ZHX2: variants seen among roughly 807,000 people sequenced by gnomAD.
ZHX2 encodes zinc fingers and homeoboxes protein 2.
ZHX2 carries 6 observed loss-of-function variants against 21.9 expected under a neutral mutation model. That is an observed-to-expected ratio of 0.27 (90% confidence interval 0.15 to 0.54). The LOEUF (loss-of-function observed/expected upper bound fraction) is 0.54. Among genes scored for constraint, ZHX2 ranks in the 20% least tolerant of loss-of-function variants. The pLI, the probability that ZHX2 is intolerant of heterozygous loss-of-function variation, is 0.95. For synonymous variants in ZHX2, 434 were observed against 437.1 expected (o/e 0.99, Z 0.09); for missense variants, 908 against 1,090.7 (o/e 0.83, Z 2.36).
chr8:122,826,749 T>C (rs1480855588), intron 1 of ZHX2, among the ~76,000 whole-genome samples: 1 of 152,192 alleles, frequency 6.6e-6, no homozygotes, highest in African/African-American at 2.4e-5. Context: ...CGGAAAAATG[T>C]GTTCAGATCC....
chr8:122,817,000 A>G (rs1347658229), intron 1 of ZHX2, among the ~76,000 whole-genome samples: 1 of 152,190 alleles, frequency 6.6e-6, no homozygotes, highest in Non-Finnish European at 1.5e-5. Flanking sequence ...GGAGCTCTCC[A>G]TGCAGATGGT....
At chr8:122,942,448 C>T (rs527507638) in intron 2 of ZHX2, among the ~76,000 whole-genome samples, 5 of 152,238 alleles carry the variant, frequency 3.3e-5, no homozygotes, top group African/African-American at 4.8e-5. Context: ...AAAAGCTCTG[C>T]GATGAGACGT....
At chr8:122,940,976 T>A (rs1812829118) in intron 2 of ZHX2, among the ~76,000 whole-genome samples, 1 of 150,582 alleles carries the variant, frequency 6.6e-6, no homozygotes, top group Non-Finnish European at 1.5e-5. Flanking sequence ...CCACCTTTAA[T>A]CCCAGCACCT....
At chr8:122,834,702 G>A (rs1039789555) in intron 1 of ZHX2, among the ~76,000 whole-genome samples, 3 of 152,218 alleles carry the variant, frequency 2.0e-5, no homozygotes, top group Non-Finnish European at 4.4e-5. Context: ...GAGATGAACC[G>A]AAGGTTTAAG....
chr8:122,930,948 C>G (rs914733239), intron 2 of ZHX2, among the ~76,000 whole-genome samples: 7 of 123,824 alleles, frequency 5.7e-5, no homozygotes, highest in Non-Finnish European at 9.4e-5. Flanking sequence ...CCTTTTTCGG[C>G]CCAAAGCTGG....
At chr8:122,882,364 T>G (rs1414823870) in intron 2 of ZHX2, among the ~76,000 whole-genome samples, 7 of 151,950 alleles carry the variant, frequency 4.6e-5, no homozygotes, top group African/African-American at 1.7e-4. Flanking sequence ...CCCAAGCCAG[T>G]AGATAAGCTT....
Position 122,782,146 on chromosome 8 carries a change from T to C in ZHX2, c.-283+200T>C, listed in dbSNP as rs1240305263. Among the ~76,000 whole-genome samples, 1 of 151,440 alleles carries C rather than the reference T, an allele frequency of 6.6e-6. No homozygotes were observed. Among genetic ancestry groups the C allele is most frequent in the Admixed American group, 6.6e-5 (1 of 15,238 alleles). ...CGGAAGGGGGGGGGTGTGCAGGCTC[T>C]TTTTGCGGGTGGGAGGAAATGAGCG... On this transcript the variant is annotated intron_variant, in intron 1 of 3. Coordinates refer to ENST00000314393, the MANE Select transcript of ZHX2 (RefSeq NM_014943.5). The surrounding 1 kb of genome is among the most constrained non-coding windows in gnomAD (Gnocchi z 5.3).
chr8:122,942,376 G>A (rs1812866514), intron 2 of ZHX2, among the ~76,000 whole-genome samples: 1 of 152,148 alleles, frequency 6.6e-6, no homozygotes, highest in African/African-American at 2.4e-5. Flanking sequence ...TTGATGTCTT[G>A]TCAAGATGCT....
At chr8:122,800,130 A>C (rs2130568710) in intron 1 of ZHX2, among the ~76,000 whole-genome samples, 1 of 152,320 alleles carries the variant, frequency 6.6e-6, no homozygotes. Flanking sequence ...TGCTAGGATT[A>C]TAGGCGTGAG....
At chr8:122,852,174 A>G (rs1818916923) in intron 1 of ZHX2, among the ~76,000 whole-genome samples, 1 of 152,200 alleles carries the variant, frequency 6.6e-6, no homozygotes, top group African/African-American at 2.4e-5. Flanking sequence ...CCATTATTCC[A>G]AAAACAAATC....
At chr8:122,784,613 C>T (rs533915452) in intron 1 of ZHX2, among the ~76,000 whole-genome samples, 2 of 152,338 alleles carry the variant, frequency 1.3e-5, no homozygotes, top group East Asian at 3.9e-4. Flanking sequence ...TATTTAGCAA[C>T]TGTGTGTTGA....
chr8:122,865,144 T>C (rs970416991), intron 2 of ZHX2, among the ~76,000 whole-genome samples: 7 of 151,800 alleles, frequency 4.6e-5, no homozygotes, highest in Non-Finnish European at 8.8e-5. Flanking sequence ...TTTTTTTTTT[T>C]TGGAGACAGA....
At chr8:122,850,355 C>T (rs191297797) in intron 1 of ZHX2, among the ~76,000 whole-genome samples, 36 of 152,100 alleles carry the variant, frequency 2.4e-4, no homozygotes, top group Admixed American at 1.2e-3. Context: ...ACACCACTAC[C>T]GGCCGGGCGC....
chr8:122,941,663 CA>C (rs67837735), intron 2 of ZHX2, among the ~76,000 whole-genome samples: 35,046 of 132,774 alleles, frequency 0.26, 5,399 homozygotes, highest in African/African-American at 0.49. Context: ...TTAGTTGCAG[CA>C]AAAAAAAAAA....
At chr8:122,838,830 C>T (rs1818562537) in intron 1 of ZHX2, among the ~76,000 whole-genome samples, 1 of 152,130 alleles carries the variant, frequency 6.6e-6, no homozygotes, top group South Asian at 2.1e-4. Flanking sequence ...CCGCCTTGCC[C>T]TCCCAGAGTG....
intron 1 of ZHX2, among the ~76,000 whole-genome samples, chr8:122,848,681 T>A (rs761624457): frequency 2.0e-5 from 3 of 152,182 alleles, no homozygotes; most frequent in Non-Finnish European, 2.9e-5. Flanking sequence ...TATTTGCTTT[T>A]CATCCAGTAA....
intron 1 of ZHX2, among the ~76,000 whole-genome samples, chr8:122,859,670 G>T (rs1819115420): frequency 6.6e-6 from 1 of 152,134 alleles, no homozygotes; most frequent in Admixed American, 6.5e-5. Flanking sequence ...GGGGAGCGTG[G>T]TCTTTGCCCT....
chr8:122,962,900 T>G (rs58616784), intron 3 of ZHX2, among the ~76,000 whole-genome samples: 2,919 of 149,860 alleles, frequency 0.019, 76 homozygotes, highest in African/African-American at 0.069. Flanking sequence ...TTTTTTCATG[T>G]TTTTTTTGGC....
chr8:122,899,151 G>A (rs886811801), intron 2 of ZHX2, among the ~76,000 whole-genome samples: 3 of 152,082 alleles, frequency 2.0e-5, no homozygotes, highest in South Asian at 2.1e-4. Context: ...ACAGGTACTC[G>A]TGAAATTCCA....
Sources: gnomAD v4.1 joint callset for allele counts (sites outside exome capture counted in the v4.1 genomes callset) on GRCh38, gnomAD v4.1.1 for gene constraint, Gnocchi (gnomAD v3.1) non-coding constraint, MANE v1.5 for transcripts, NCBI Gene and HGNC (gene_info 2026-07-23, HGNC 2026-07-21) for gene names.